NTM: variants seen among roughly 807,000 people sequenced by gnomAD.
NTM encodes neurotrimin.
Under a neutral mutation model 42.1 loss-of-function variants are expected in NTM, and 13 were observed. The ratio of observed to expected loss-of-function variants is 0.31; its 90% CI spans 0.20 to 0.49. The LOEUF (loss-of-function observed/expected upper bound fraction) is 0.49, where lower values mean the gene tolerates loss of function less well. NTM is among the 20% of genes least tolerant of loss of function. The pLI is 0.99. For missense variants in NTM, 373 were observed against 452.8 expected, an observed-to-expected ratio of 0.82 and a Z score of 1.60; for synonymous variants, 187 against 179.2, an observed-to-expected ratio of 1.04 and a Z score of -0.35.
intron 4 of NTM, 154 bp from the exon 5 acceptor site, chr11:132,307,535 C>T (rs565680897): frequency 1.8e-4 from 92 of 523,458 alleles, no homozygotes; most frequent in African/African-American, 1.4e-3. Flanking sequence ...GTAGAAGAGA[C>T]GGAGGAGGGA....
At chr11:131,487,737 G>A (rs1954336145) in intron 1 of NTM, among the ~76,000 whole-genome samples, 2 of 150,268 alleles carry the variant, frequency 1.3e-5, no homozygotes, top group Non-Finnish European at 2.9e-5. Context: ...TAGGCTTAAA[G>A]AAAAAGGGGG....
rs1187649443 is a variant in NTM, at chr11:131,873,638, CAT to C, written c.83-37916_83-37915del. Among the ~76,000 whole-genome samples the C allele has an allele frequency of 1.3e-3, 150 of 117,670 alleles. 7 individuals carry two copies. Among genetic ancestry groups the C allele is most frequent in the South Asian group, 1.0e-2 (39 of 3,916 alleles). The allele number at this position is 117,670 out of a possible 152,430, so 77.2% of individuals were successfully genotyped here. ...GTATATATATACATATATATATACA[CAT>C]ATATATATACACACATATATATACA... On this transcript the variant is annotated intron_variant, in intron 1 of 8. Transcript: ENST00000683400.
intron 2 of NTM, among the ~76,000 whole-genome samples, chr11:132,014,822 C>T (rs116522895): frequency 0.023 from 3,122 of 136,118 alleles, 113 homozygotes; most frequent in African/African-American, 0.078. Context: ...TTTGCAAATA[C>T]TTTCTCCCAT....
chr11:132,322,895 A>C (rs1259783254), intron 7 of NTM, among the ~76,000 whole-genome samples: 1 of 143,580 alleles, frequency 7.0e-6, no homozygotes, highest in Non-Finnish European at 1.5e-5. Context: ...CCACTCAACT[A>C]CATGGAAACT....
chr11:131,520,916 T>C (rs1312640026), intron 1 of NTM, among the ~76,000 whole-genome samples: 5 of 152,178 alleles, frequency 3.3e-5, no homozygotes, highest in Non-Finnish European at 5.9e-5. Context: ...TACAAGAGCA[T>C]GGCATCAGCA....
chr11:131,629,000 G>T (rs952254386), intron 1 of NTM, among the ~76,000 whole-genome samples: 1 of 152,220 alleles, frequency 6.6e-6, no homozygotes, highest in African/African-American at 2.4e-5. Context: ...GTGTGGTGTG[G>T]GTGGGGACCA....
chr11:131,831,263 T>A (rs1046933156), intron 1 of NTM, among the ~76,000 whole-genome samples: 3 of 152,162 alleles, frequency 2.0e-5, no homozygotes, highest in Non-Finnish European at 4.4e-5. Context: ...CAGGTCTACA[T>A]CTATAAAATT....
chr11:132,254,074 T>A (rs1368766009), intron 4 of NTM, among the ~76,000 whole-genome samples: 1 of 152,176 alleles, frequency 6.6e-6, no homozygotes, highest in Non-Finnish European at 1.5e-5. Flanking sequence ...TCCTCTCACC[T>A]GGTGTTGTTT....
chr11:131,516,894 A>C (rs1237364926), intron 1 of NTM, among the ~76,000 whole-genome samples: 1 of 152,196 alleles, frequency 6.6e-6, no homozygotes, highest in Non-Finnish European at 1.5e-5. Context: ...TTTCCACAGT[A>C]GATATAGGGC....
At chr11:132,319,951 G>A (rs1335581391) in intron 7 of NTM, among the ~76,000 whole-genome samples, 2 of 152,194 alleles carry the variant, frequency 1.3e-5, no homozygotes, top group Admixed American at 1.3e-4. Context: ...CAGCATCAGT[G>A]GTTCACCAAT....
intron 1 of NTM, among the ~76,000 whole-genome samples, chr11:131,384,876 A>G (rs1436936875): frequency 2.0e-5 from 3 of 152,132 alleles, no homozygotes; most frequent in Admixed American, 1.3e-4. Flanking sequence ...TTATGGAAAT[A>G]CTCTACTTTG....
At chr11:131,736,397 C>T (rs894857904) in intron 1 of NTM, among the ~76,000 whole-genome samples, 2 of 152,164 alleles carry the variant, frequency 1.3e-5, no homozygotes, top group Non-Finnish European at 2.9e-5. Flanking sequence ...ATTCAAAAGT[C>T]CTTAGCAAAC....
intron 2 of NTM, among the ~76,000 whole-genome samples, chr11:131,932,737 T>C (rs1291696671): frequency 1.3e-5 from 2 of 152,210 alleles, no homozygotes; most frequent in Non-Finnish European, 2.9e-5. Context: ...ATTCGCTCCC[T>C]GCCCACAGGG....
intron 1 of NTM, among the ~76,000 whole-genome samples, chr11:131,402,187 A>AT (rs143840861): frequency 0.02 from 3,075 of 152,080 alleles, 39 homozygotes; most frequent in Middle Eastern, 0.044. Context: ...AATGTTATGG[A>AT]TGCAACACCA....
chr11:131,813,640 C>T (rs1033801433), intron 1 of NTM, among the ~76,000 whole-genome samples: 3 of 152,144 alleles, frequency 2.0e-5, no homozygotes, highest in African/African-American at 4.8e-5. Context: ...AGCTCAGCCA[C>T]GTGGAGTTTC....
rs536386886 is a variant in NTM at position 131,456,267 on chromosome 11, T to C, written c.82+85379T>C. 2.6e-4 allele frequency among the ~76,000 whole-genome samples: 39 copies of C among 152,330 alleles called. 2 individuals are homozygous for C. The South Asian group carries it at 7.3e-3, about 28-fold the overall frequency. ...CTGTTAGATAAAACTGGTTTTCAAT[T>C]ACACTAGGCAGTTCCAGAAACCAGG... On this transcript the variant is annotated intron_variant, in intron 1 of 8. Transcript: ENST00000683400.
chr11:132,216,758 T>C (rs2083934986), intron 4 of NTM, among the ~76,000 whole-genome samples: 1 of 152,204 alleles, frequency 6.6e-6, no homozygotes, highest in African/African-American at 2.4e-5. Context: ...TATTTGCCAA[T>C]GCCCCAAAGA....
In NTM at chr11:131,506,337, C is replaced by T. The variant is rs2047488789; in HGVS notation, c.82+135449C>T. On this transcript the variant is annotated intron_variant, in intron 1 of 8. Transcript: ENST00000683400. ...ATCCAAACTGGGGAAGGGCCTATAA[C>T]ACTCCAAATGCTGGTGCCCGAATAT... Among the ~76,000 whole-genome samples, 2 of 152,168 alleles carry T rather than the reference C, an allele frequency of 1.3e-5. 1 individual carries two copies. Among genetic ancestry groups the T allele is most frequent in the South Asian group, 4.1e-4 (2 of 4,824 alleles).
intron 3 of NTM, among the ~76,000 whole-genome samples, chr11:132,187,251 G>A (rs998937506): frequency 3.3e-5 from 5 of 151,848 alleles, no homozygotes; most frequent in Admixed American, 1.3e-4. Context: ...GTGTGTGCGT[G>A]TGCGTGTTTT....
Sources: gnomAD v4.1 joint callset for allele counts (sites outside exome capture counted in the v4.1 genomes callset) on GRCh38, gnomAD v4.1.1 for gene constraint, MANE v1.5 for transcripts, NCBI Gene and HGNC (gene_info 2026-07-23, HGNC 2026-07-21) for gene names.